GCSAM: variants seen among roughly 807,000 people sequenced by gnomAD.
The protein encoded by GCSAM is germinal center associated signaling and motility.
Under a neutral mutation model 17.6 loss-of-function variants are expected in GCSAM, and 8 were observed. That is an observed-to-expected ratio of 0.46 (90% CI 0.27 to 0.82). The LOEUF (loss-of-function observed/expected upper bound fraction) is 0.82. GCSAM is among the 40% of genes least tolerant of loss of function. The probability of loss-of-function intolerance (pLI) is 0.15; values close to 1 mark genes in which losing one functional copy is unlikely to be tolerated. For synonymous variants in GCSAM, 68 were observed against 69.0 expected (o/e 0.98, Z 0.07); for missense variants, 192 against 213.5 (o/e 0.90, Z 0.63).
intron 1 of GCSAM, among the ~76,000 whole-genome samples, chr3:112,132,331 C>A (rs932049008): frequency 6.6e-6 from 1 of 152,124 alleles, no homozygotes; most frequent in Non-Finnish European, 1.5e-5. Context: ...CCTGTGAAGA[C>A]CCCCTCTGGC....
chr3:112,128,387 A>G (rs2074378281), intron 2 of GCSAM: 3 of 460,850 alleles, frequency 6.5e-6, no homozygotes, highest in Non-Finnish European at 1.2e-5. Flanking sequence ...AAATCAAGGT[A>G]CAAGTGTATG....
intron 5 of GCSAM, among the ~76,000 whole-genome samples, chr3:112,124,336 C>T (rs746071571): frequency 1.3e-5 from 2 of 152,156 alleles, no homozygotes; most frequent in African/African-American, 2.4e-5. Flanking sequence ...TGGCTGGGCA[C>T]GGTGGCTCAC....
At chr3:112,124,084 G>A (rs1378480380) in intron 5 of GCSAM, among the ~76,000 whole-genome samples, 1 of 152,220 alleles carries the variant, frequency 6.6e-6, no homozygotes, top group Non-Finnish European at 1.5e-5. Context: ...CATTGTTGGA[G>A]GTGGTGCCTA....
At chr3:112,132,927 G>C (rs2074491894) in intron 1 of GCSAM, 165 bp downstream of exon 1, 1 of 631,038 alleles carries the variant, frequency 1.6e-6, no homozygotes, top group African/African-American at 1.9e-5. Flanking sequence ...GAAATTTAAT[G>C]TGGTATCTGG....
chr3:112,125,476 A>G (rs2107802964), intron 4 of GCSAM, among the ~76,000 whole-genome samples: 1 of 152,070 alleles, frequency 6.6e-6, no homozygotes, highest in East Asian at 1.9e-4. Context: ...GGGGAGACAC[A>G]TTTGGTTAGT....
intron 4 of GCSAM, 135 bp downstream of exon 4, chr3:112,126,852 A>G: frequency 1.4e-6 from 1 of 695,772 alleles, no homozygotes; most frequent in Non-Finnish European, 2.6e-6. Context: ...AGGACATGCA[A>G]TTGGATACAG....
intron 5 of GCSAM, among the ~76,000 whole-genome samples, chr3:112,124,254 C>T (rs941676274): frequency 6.6e-6 from 1 of 152,140 alleles, no homozygotes; most frequent in Admixed American, 6.6e-5. Flanking sequence ...CACAAGTGGA[C>T]TAAGACACTA....
At position 112,123,598 on chromosome 3, in the gene GCSAM, G is replaced by T. The variant is rs1365984805; in HGVS notation, c.394C>A (p.His132Asn). Residue 132 changes from histidine (H) to asparagine (N), a missense_variant, in exon 6 of 6, where the codon CAT becomes AAT. Transcript: ENST00000308910. ...GGTETEYSLL[H>N]MPSTDPRHAR... ...TGCCTGGGGTCTGTAGAAGGCATAT[G>T]TAGAAGTGAATACTCAGTCTCAGTT... The T allele has an allele frequency of 1.2e-6, 2 of 1,614,110 alleles. No homozygotes were observed. Among genetic ancestry groups the T allele is most frequent in the Admixed American group, 3.3e-5 (2 of 60,024 alleles).
intron 4 of GCSAM, among the ~76,000 whole-genome samples, chr3:112,126,092 A>G (rs955640924): frequency 4.6e-5 from 7 of 152,180 alleles, no homozygotes; most frequent in Non-Finnish European, 7.3e-5. Context: ...CCTGATTATC[A>G]TTATAAGAAA....
chr3:112,125,292 TG>T, intron 4 of GCSAM, 38 bp from the exon 5 acceptor site: 1 of 1,458,824 alleles, frequency 6.9e-7, no homozygotes, highest in Non-Finnish European at 9.6e-7. Context: ...TTTCAGGTTA[TG>T]GGGAGATTTG....
At chr3:112,131,008 A>G (rs2074438611) in intron 1 of GCSAM, 2 of 160,534 alleles carry the variant, frequency 1.2e-5, no homozygotes, top group South Asian at 3.6e-4. Context: ...AAATTGGTTC[A>G]TTGTTTGGGT....
rs888886091 is a variant in GCSAM at position 112,122,913 on chromosome 3, C to A, written c.*542G>T. The A allele has an allele frequency of 1.3e-5, 2 of 154,562 alleles. No individual in the cohort carries two copies. 9.6% of individuals were successfully genotyped at this position (154,562 alleles called of 1,614,324 possible). ...GAGCCTCTTGATTCAACTCACATAACTAACCAGACCATGGGGGCCAACAGG... is the reference window on the plus strand; with the variant it reads ...GAGCCTCTTGATTCAACTCACATAAATAACCAGACCATGGGGGCCAACAGG... On this transcript the variant is annotated 3_prime_UTR_variant, in exon 6 of 6. Transcript: ENST00000308910.
At chr3:112,129,179 C>G (rs985196399) in intron 2 of GCSAM, 1 of 151,956 alleles carries the variant, frequency 6.6e-6, no homozygotes, top group Non-Finnish European at 1.5e-5. Context: ...AAGGAAACAT[C>G]GTAAGAAAAC....
intron 1 of GCSAM, chr3:112,132,849 C>G: frequency 2.1e-6 from 1 of 477,636 alleles, no homozygotes; most frequent in Admixed American, 4.1e-5. Flanking sequence ...TTGGTAAAGT[C>G]TTTCCACCTT....
rs1163043834 is a variant in GCSAM at position 112,123,466 on chromosome 3, A to T, written c.526T>A (p.Ser176Thr). The change falls in exon 6 of 6, where the codon TCC becomes ACC. Residue 176 changes from serine (S) to threonine (T), a missense_variant. By Grantham distance (58) the Ser-to-Thr change is moderately conservative. Transcript: ENST00000308910. ...PLMAPSETQF[S>T]HL ...GTCCAGCCACTTCACTATAAATGGG[A>T]AAACTGAGTCTCAGAAGGGGCCATA... 2 of 1,613,966 alleles carry T rather than the reference A, an allele frequency of 1.2e-6. No homozygotes were observed. Among genetic ancestry groups the T allele is most frequent in the Non-Finnish European group, 1.7e-6 (2 of 1,179,892 alleles).
rs142895263 is a variant in GCSAM at position 112,132,504 on chromosome 3, A to G, written c.29+588T>C. On this transcript the variant is annotated intron_variant, in intron 1 of 5. Coordinates refer to ENST00000308910, the MANE Select transcript of GCSAM (RefSeq NM_152785.5). ...TGAACCCTACTTTATGTCAGGCACT[A>G]TGCTAGCACAATACACACTAGAACT... 1.7e-3 allele frequency: 430 copies of G among 253,484 alleles called. 1 individual carries two copies. The highest frequency in any genetic ancestry group is 2.5e-3 in the Non-Finnish European group (397 of 160,680). The allele number at this position is 253,484 out of a possible 1,614,324, so 15.7% of individuals were successfully genotyped here. A position where few individuals can be genotyped will look rare whatever the true frequency, so the allele number is the denominator to read the frequency against.
Position 112,121,926 on chromosome 3 carries a change from C to T in GCSAM, c.*1529G>A, listed in dbSNP as rs1277442880. 6.6e-6 allele frequency: 1 copy of T among 152,154 alleles called. No individual in the cohort carries two copies. Among genetic ancestry groups the T allele is most frequent in the East Asian group, 1.9e-4 (1 of 5,196 alleles). The allele number at this position is 152,154 out of a possible 1,614,324, so 9.4% of individuals were successfully genotyped here. On this transcript the variant is annotated 3_prime_UTR_variant, in exon 6 of 6. Transcript: ENST00000308910. The stretch of plus-strand genomic sequence containing the variant: ...CCCTGTCGCTTAGCTGGTCCAAGGG[C>T]CTGTCTAGTAAACATAATGTACCTA...
In GCSAM at chr3:112,121,986, T is replaced by A. The variant is rs1371066278; in HGVS notation, c.*1469A>T. On this transcript the variant is annotated 3_prime_UTR_variant, in exon 6 of 6. Transcript: ENST00000308910. ...TAAACAAACCTCTTTTAAAACAAAC[T>A]ATTTTAGCATCCCTAAAATTAGGAC... 6.6e-6 allele frequency: 1 copy of A among 152,230 alleles called. No individual in the cohort carries two copies. The highest frequency in any genetic ancestry group is 1.5e-5 in the Non-Finnish European group (1 of 68,040). The allele number at this position is 152,230 out of a possible 1,614,324, so 9.4% of individuals were successfully genotyped here. A position where few individuals can be genotyped will look rare whatever the true frequency, so the allele number is the denominator to read the frequency against.
At chr3:112,131,270 G>A (rs1387846295) in intron 1 of GCSAM, among the ~76,000 whole-genome samples, 1 of 152,108 alleles carries the variant, frequency 6.6e-6, no homozygotes, top group African/African-American at 2.4e-5. Context: ...GTTTGCTGCT[G>A]GCAGGTCTCT....
Sources: gnomAD v4.1 joint callset for allele counts (sites outside exome capture counted in the v4.1 genomes callset) on GRCh38, gnomAD v4.1.1 for gene constraint, MANE v1.5 for transcripts, NCBI Gene and HGNC (gene_info 2026-07-23, HGNC 2026-07-21) for gene names.